The following UBN2 variants were observed in gnomAD, a reference collection of about 807,000 sequenced individuals.
UBN2 encodes ubinuclein 2.
A neutral mutation model predicts 120.2 loss-of-function variants in UBN2; 35 were observed. The observed-to-expected ratio is 0.29, with a 90% CI of 0.22 to 0.39. UBN2 has a LOEUF of 0.39. Ranked by LOEUF, UBN2 falls within the 10% of genes least tolerant of loss-of-function variation. The probability of loss-of-function intolerance (pLI) is 1.00; values close to 1 mark genes in which losing one functional copy is unlikely to be tolerated. For synonymous variants in UBN2, 661 were observed against 648.7 expected (o/e 1.02, Z -0.29); for missense variants, 1,693 against 1,663.2 (o/e 1.02, Z -0.31).
At chr7:139,294,070 G>A in intron 17 of UBN2, 89 bp downstream of exon 17, 1 of 1,388,448 alleles carries the variant, frequency 7.2e-7, no homozygotes. Flanking sequence ...TGAATGGAAT[G>A]ACAAAGGTTG....
rs774972535 is a variant in UBN2 at position 139,283,449 on chromosome 7, T to C, written c.2544T>C (p.Ala848=). ...TACCAAAGAAACCCCAGGATTTAGC[T>C]CATACTGGCATCTCTTCAGGCCTTA... is the stretch of plus-strand genomic sequence containing the variant. ...GPVPKKPQDL[A]HTGISSGLIA... Residue 848 remains alanine (A), a synonymous_variant, in exon 15 of 18, where the codon GCT becomes GCC. Transcript: ENST00000473989. 6.2e-7 allele frequency: 1 copy of C among 1,614,150 alleles called. No homozygotes were observed. The highest frequency in any genetic ancestry group is 8.5e-7 in the Non-Finnish European group (1 of 1,180,028).
chr7:139,238,232 G>A (rs1171396089), intron 2 of UBN2, among the ~76,000 whole-genome samples: 1 of 152,076 alleles, frequency 6.6e-6, no homozygotes, highest in African/African-American at 2.4e-5. Flanking sequence ...TTGTCATTGA[G>A]GGCCTTGTAC....
chr7:139,259,440 A>G, intron 5 of UBN2, 70 bp downstream of exon 5: 2 of 1,570,500 alleles, frequency 1.3e-6, no homozygotes, highest in Non-Finnish European at 1.7e-6. Flanking sequence ...AGAAAGATAT[A>G]CTTACCATTA....
At position 139,231,760 on chromosome 7, in the gene UBN2, G is replaced by A; in HGVS notation, c.276G>A (p.Arg92=). ...PPMSLQREPP[R]PEPPPPFPPL... is the part of the protein sequence containing the mutation. ...TGTCGCTGCAGCGGGAGCCCCCGCGGCCCGAGCCGCCGCCGCCGTTCCCGC... is the reference window on the plus strand; with the variant it reads ...TGTCGCTGCAGCGGGAGCCCCCGCGACCCGAGCCGCCGCCGCCGTTCCCGC... Residue 92 remains arginine (R), a synonymous_variant, in exon 1 of 18, where the codon CGG becomes CGA. Transcript: ENST00000473989. The A allele has an allele frequency of 8.1e-7, 1 of 1,240,022 alleles. No individual in the cohort carries two copies. Among genetic ancestry groups the A allele is most frequent in the South Asian group, 3.1e-5 (1 of 32,272 alleles). 76.8% of individuals were successfully genotyped at this position (1,240,022 alleles called of 1,614,324 possible).
rs1248789106 is a variant in UBN2, at chr7:139,261,470, G to A, written c.1124G>A (p.Ser375Asn). The stretch of plus-strand genomic sequence containing the variant: ...AATGACGTCCCGGACTTAAATCTGA[G>A]CAGCGGTGATCCAGACCTTCCCATT... The part of the protein sequence containing the change: ...LGNDVPDLNL[S>N]SGDPDLPIFV... Residue 375 changes from serine to asparagine, a missense_variant, in exon 6 of 18, where the codon AGC (serine) becomes AAC (asparagine). Ser to Asn is a conservative substitution (Grantham distance 46). This residue lies in a region of UBN2 where 663 missense variants were observed against 591.2 expected (regional missense o/e 1.12). Transcript: ENST00000473989. 6.2e-7 allele frequency: 1 copy of A among 1,614,100 alleles called. No homozygotes were observed. The highest frequency in any genetic ancestry group is 1.3e-5 in the African/African-American group (1 of 74,942).
intron 13 of UBN2, among the ~76,000 whole-genome samples, chr7:139,280,643 C>G (rs1290635168): frequency 6.6e-6 from 1 of 151,870 alleles, no homozygotes; most frequent in East Asian, 1.9e-4. Context: ...TCTTCTTTTT[C>G]TTTTTCTTGT....
At chr7:139,246,972 G>T (rs143739923) in intron 2 of UBN2, among the ~76,000 whole-genome samples, 1 of 151,986 alleles carries the variant, frequency 6.6e-6, no homozygotes, top group Non-Finnish European at 1.5e-5. Flanking sequence ...GATGATGACC[G>T]TTGGGTTGTT....
intron 4 of UBN2, among the ~76,000 whole-genome samples, chr7:139,258,874 GAGA>G (rs1215158525): frequency 6.6e-6 from 1 of 152,010 alleles, no homozygotes; most frequent in Non-Finnish European, 1.5e-5. Flanking sequence ...CTGTTTCTGG[GAGA>G]AGGTTATATT....
the UBN2 span, among the ~76,000 whole-genome samples, chr7:139,318,745 G>C: frequency 6.6e-6 from 1 of 152,082 alleles, no homozygotes; most frequent in Non-Finnish European, 1.5e-5. Flanking sequence ...ATTTGCTTCT[G>C]CCAGGTTCCT....
rs1016505433 is a variant in UBN2 at position 139,305,364 on chromosome 7, C to T, written c.*7528C>T. The T allele has an allele frequency of 5.3e-5, 8 of 152,148 alleles. No homozygotes were observed. The highest frequency in any genetic ancestry group is 1.7e-4 in the African/African-American group (7 of 41,438). 9.4% of individuals were successfully genotyped at this position (152,148 alleles called of 1,614,324 possible). ...ACTCTGGCAACCTATCCTGTGTCCCCATAGAACTGAGAAGTAAAGCCCTGT... is the reference window on the plus strand; with the variant it reads ...ACTCTGGCAACCTATCCTGTGTCCCTATAGAACTGAGAAGTAAAGCCCTGT... On this transcript the variant is annotated 3_prime_UTR_variant, in exon 18 of 18. Transcript: ENST00000473989.
chr7:139,247,280 T>C (rs1304600604), intron 2 of UBN2, among the ~76,000 whole-genome samples: 1 of 149,272 alleles, frequency 6.7e-6, no homozygotes, highest in Non-Finnish European at 1.5e-5. Flanking sequence ...GTCATCACTC[T>C]TAATTTTAGC....
Position 139,307,481 on chromosome 7 carries a change from T to TG in UBN2, c.*9645_*9646insG, listed in dbSNP as rs1798378386. On this transcript the variant is annotated 3_prime_UTR_variant, in exon 18 of 18. Transcript: ENST00000473989. ...CCTGTCTCCCTTTTTTGTATTTTAG[T>TG]AAAAAAAAAAAAAAATAAATTTAAA... is the stretch of plus-strand genomic sequence containing the variant. 7.3e-6 allele frequency: 1 copy of TG among 137,284 alleles called. No homozygotes were observed. Among genetic ancestry groups the TG allele is most frequent in the Non-Finnish European group, 1.6e-5 (1 of 62,570 alleles). 8.5% of individuals were successfully genotyped at this position (137,284 alleles called of 1,614,324 possible).
At position 139,269,474 on chromosome 7, in the gene UBN2, A is replaced by G. The variant is rs1471877502; in HGVS notation, c.1547A>G (p.Asn516Ser). 1.9e-6 allele frequency: 3 copies of G among 1,614,058 alleles called. No individual in the cohort carries two copies. Among genetic ancestry groups the G allele is most frequent in the African/African-American group, 2.7e-5 (2 of 74,930 alleles). The change falls in exon 8 of 18, where the codon AAT becomes AGT. Residue 516 changes from asparagine to serine, a missense_variant. This residue lies in a region of UBN2 where 178 missense variants were observed against 204.0 expected (regional missense o/e 0.87). Coordinates refer to ENST00000473989, the MANE Select transcript of UBN2 (RefSeq NM_173569.4). Reference protein sequence around the residue: ...YSHLEAFVPCNKETLVKRLKK... With the variant: ...YSHLEAFVPCSKETLVKRLKK... ...CACCTTGAAGCTTTTGTGCCATGCA[A>G]TAAAGAAACACTAGTAAAACGTCTG...
At chr7:139,285,742 A>G (rs1249954869) in intron 15 of UBN2, among the ~76,000 whole-genome samples, 1 of 151,698 alleles carries the variant, frequency 6.6e-6, no homozygotes, top group East Asian at 1.9e-4. Flanking sequence ...TATTATATAT[A>G]TATTTTTTAT....
At chr7:139,246,657 T>C (rs1261921553) in intron 2 of UBN2, among the ~76,000 whole-genome samples, 1 of 152,218 alleles carries the variant, frequency 6.6e-6, no homozygotes, top group Non-Finnish European at 1.5e-5. Flanking sequence ...ACTACAATCA[T>C]GATACGGAAC....
chr7:139,261,299 A>G lies in UBN2; in HGVS notation c.953A>G (p.Tyr318Cys), dbSNP rs774433676. Reference sequence around the variant, plus strand: ...AAGTCTGAAAAAAAGAAGAAACGTTATAAAGATTCTCTTTCTCTAGCTGCC... The same window carrying G: ...AAGTCTGAAAAAAAGAAGAAACGTTGTAAAGATTCTCTTTCTCTAGCTGCC... ...SHKSEKKKKR[Y>C]KDSLSLAAMI... Residue 318 changes from tyrosine (Y) to cysteine (C), a missense_variant, in exon 6 of 18, where the codon TAT (tyrosine) becomes TGT (cysteine). This residue lies in a region of UBN2 where 663 missense variants were observed against 591.2 expected (regional missense o/e 1.12). Coordinates refer to ENST00000473989, the MANE Select transcript of UBN2 (RefSeq NM_173569.4). 3 of 1,612,464 alleles carry G rather than the reference A, an allele frequency of 1.9e-6. No individual in the cohort carries two copies. Among genetic ancestry groups the G allele is most frequent in the Middle Eastern group, 1.7e-4 (1 of 6,042 alleles).
chr7:139,284,908 A>G (rs756009047), intron 15 of UBN2, among the ~76,000 whole-genome samples: 1 of 152,178 alleles, frequency 6.6e-6, no homozygotes, highest in Non-Finnish European at 1.5e-5. Context: ...CTTATTTCAA[A>G]CTTTCTCTCT....
chr7:139,252,031 G>A lies in UBN2; in HGVS notation c.637G>A (p.Asp213Asn). 6.2e-7 allele frequency: 1 copy of A among 1,613,962 alleles called. No individual in the cohort carries two copies. Among genetic ancestry groups the A allele is most frequent in the East Asian group, 2.2e-5 (1 of 44,888 alleles). The change falls in exon 3 of 18, where the codon GAT becomes AAT. Residue 213 changes from aspartate to asparagine, a missense_variant. Transcript: ENST00000473989. ...TATAGGCTTTGGCTATGATGAGACA[G>A]ATCCATTTATTGATAACTCAGAGGC... ...IDIGFGYDET[D>N]PFIDNSEAYD... is the part of the protein sequence containing the mutation.
intron 5 of UBN2, 133 bp from the exon 6 acceptor site, chr7:139,261,119 A>G (rs1654607849): frequency 9.5e-7 from 1 of 1,057,760 alleles, no homozygotes; most frequent in Non-Finnish European, 1.3e-6. Context: ...GTAATAGTAT[A>G]AGTTAATAAG....
Sources: gnomAD v4.1 joint callset for allele counts (sites outside exome capture counted in the v4.1 genomes callset) on GRCh38, gnomAD v4.1.1 for gene constraint, gnomAD v4.1.1 regional missense constraint, MANE v1.5 for transcripts, NCBI Gene and HGNC (gene_info 2026-07-23, HGNC 2026-07-21) for gene names.